GOLGA1: variants seen among roughly 807,000 people sequenced by gnomAD.
The protein encoded by GOLGA1 is golgin A1.
Under a neutral mutation model 119.7 loss-of-function variants are expected in GOLGA1, and 63 were observed. The ratio of observed to expected loss-of-function variants is 0.53; its 90% CI spans 0.43 to 0.65. The LOEUF (loss-of-function observed/expected upper bound fraction) is 0.65, where lower values mean the gene tolerates loss of function less well. Among genes scored for constraint, GOLGA1 ranks in the 30% least tolerant of loss-of-function variants. The probability of loss-of-function intolerance (pLI) is 0.00; values close to 1 mark genes in which losing one functional copy is unlikely to be tolerated. For synonymous variants in GOLGA1, 318 were observed against 333.4 expected (o/e 0.95, Z 0.50); for missense variants, 798 against 912.8 (o/e 0.87, Z 1.62).
At chr9:124,895,218 T>C (rs1378714605) in intron 15 of GOLGA1, among the ~76,000 whole-genome samples, 1 of 123,816 alleles carries the variant, frequency 8.1e-6, no homozygotes, top group African/African-American at 3.2e-5. Flanking sequence ...CAGAGAACCA[T>C]CCACAAGAGA....
Position 124,881,845 on chromosome 9 carries a change from T to C in GOLGA1, c.2075A>G (p.Glu692Gly), listed in dbSNP as rs1226863426. The C allele has an allele frequency of 6.2e-7, 1 of 1,613,248 alleles. No individual in the cohort carries two copies. Among genetic ancestry groups the C allele is most frequent in the Admixed American group, 1.7e-5 (1 of 59,864 alleles). Residue 692 changes from glutamate to glycine, a missense_variant, in exon 21 of 23, where the codon GAG becomes GGG. Coordinates refer to ENST00000373555, the MANE Select transcript of GOLGA1 (RefSeq NM_002077.4). This position sits in a 1 kb window ranked among gnomAD's most constrained non-coding sequence, Gnocchi z 4.9. The part of the protein sequence containing the change: ...TNNTDLTDAR[E>G]INFEYLKHVV... ...ATGTTTAAGGTACTCAAAGTTGATC[T>C]CGCGGGCATCTGTCAGGTCAGTGTT...
chr9:124,914,216 G>C (rs1057414495), intron 10 of GOLGA1, among the ~76,000 whole-genome samples: 2 of 152,220 alleles, frequency 1.3e-5, no homozygotes, highest in African/African-American at 4.8e-5. Flanking sequence ...AATAACTGTA[G>C]GCTGGGCGTG....
intron 10 of GOLGA1, among the ~76,000 whole-genome samples, chr9:124,918,916 G>A (rs1311686638): frequency 1.3e-5 from 2 of 151,928 alleles, no homozygotes; most frequent in East Asian, 3.9e-4. Flanking sequence ...TTGACTCCTG[G>A]GCTGGAATGT....
At chr9:124,914,948 A>G (rs1238068746) in intron 10 of GOLGA1, among the ~76,000 whole-genome samples, 4 of 152,232 alleles carry the variant, frequency 2.6e-5, no homozygotes, top group Non-Finnish European at 5.9e-5. Context: ...CTCTTGTGCA[A>G]CATATTGATA....
At chr9:124,918,452 G>C (rs1830494981) in intron 10 of GOLGA1, among the ~76,000 whole-genome samples, 1 of 152,176 alleles carries the variant, frequency 6.6e-6, no homozygotes, top group African/African-American at 2.4e-5. Flanking sequence ...AACAACAGAT[G>C]GTTCTAATTG....
In GOLGA1 at chr9:124,880,366, G is replaced by A. The variant is rs1332561053; in HGVS notation, c.*164C>T. 1.9e-6 allele frequency: 1 copy of A among 539,370 alleles called. No individual in the cohort carries two copies. Among genetic ancestry groups the A allele is most frequent in the Admixed American group, 2.8e-5 (1 of 36,300 alleles). The allele number at this position is 539,370 out of a possible 1,614,324, so 33.4% of individuals were successfully genotyped here. On this transcript the variant is annotated 3_prime_UTR_variant, in exon 23 of 23. Coordinates refer to ENST00000373555, the MANE Select transcript of GOLGA1 (RefSeq NM_002077.4). ...AGGATCAGCTACCCCCTGAGGTTCA[G>A]GTCAGCCTGCAGGGAAGTGGGCCTT...
chr9:124,898,585 A>C lies in GOLGA1; in HGVS notation c.1371T>G (p.Ser457=), dbSNP rs1350400140. 1.9e-6 allele frequency: 3 copies of C among 1,609,428 alleles called. No homozygotes were observed. In the East Asian group the frequency reaches 6.7e-5, roughly 36 times the overall value. Residue 457 remains serine, a synonymous_variant, in exon 15 of 23, where the codon TCT becomes TCG. Coordinates refer to ENST00000373555, the MANE Select transcript of GOLGA1 (RefSeq NM_002077.4). ...LKECRNEYER[S]LQNHQFELKK... ...TTAGTTCAAATTGGTGATTTTGTAA[A>C]GAACGTTCATATTCATTCCTGCATT...
At chr9:124,906,116 A>AAAATAAATAAATAAATAAATAAAT (rs60890510) in intron 12 of GOLGA1, among the ~76,000 whole-genome samples, 9 of 145,152 alleles carry the variant, frequency 6.2e-5, no homozygotes, top group Non-Finnish European at 9.0e-5. Context: ...GTGTCTCCAA[A>AAAATAAATAAATAAATAAATAAAT]AAATAAATAA....
chr9:124,919,066 T>C (rs555689341), intron 10 of GOLGA1, among the ~76,000 whole-genome samples: 37 of 151,898 alleles, frequency 2.4e-4, no homozygotes, highest in African/African-American at 7.7e-4. Context: ...CTGGGCAACA[T>C]AGCGAAACCC....
chr9:124,939,458 A>G (rs1403910059), intron 2 of GOLGA1, among the ~76,000 whole-genome samples: 1 of 151,566 alleles, frequency 6.6e-6, no homozygotes, highest in Non-Finnish European at 1.5e-5. Flanking sequence ...ACTCTATTAT[A>G]TAAGTATCTG....
rs117331978 is a variant in GOLGA1 at position 124,926,415 on chromosome 9, G to A, written c.432+294C>T. Among the ~76,000 whole-genome samples the A allele has an allele frequency of 1.6e-3, 249 of 152,256 alleles. 2 individuals carry two copies. The highest frequency in any genetic ancestry group is 0.014 in the East Asian group (73 of 5,190). On this transcript the variant is annotated intron_variant, in intron 7 of 22. Coordinates refer to ENST00000373555, the MANE Select transcript of GOLGA1 (RefSeq NM_002077.4). ...GGTTCCCCACTGGCTGAACCCAACC[G>A]GATGCCAGAGGGCATTCTGAGCCCT...
chr9:124,945,156 T>C (rs1251289815), upstream of GOLGA1: 1 of 150,330 alleles, frequency 6.7e-6, no homozygotes, highest in Non-Finnish European at 1.5e-5. Context: ...ATAAGTGAGT[T>C]TGTAGTTTTA....
intron 18 of GOLGA1, 33 bp downstream of exon 18, chr9:124,889,110 T>C: frequency 6.4e-7 from 1 of 1,562,970 alleles, no homozygotes; most frequent in Non-Finnish European, 8.7e-7. Context: ...TGCATCTTGC[T>C]GTAGCACCCA....
At chr9:124,901,145 G>A (rs914915811) in intron 12 of GOLGA1, among the ~76,000 whole-genome samples, 1 of 150,276 alleles carries the variant, frequency 6.7e-6, no homozygotes, top group African/African-American at 2.5e-5. Context: ...CTAATTTTTT[G>A]TATTTTTAGT....
chr9:124,909,791 T>C (rs2131446154), intron 11 of GOLGA1, among the ~76,000 whole-genome samples: 1 of 152,168 alleles, frequency 6.6e-6, no homozygotes, highest in African/African-American at 2.4e-5. Flanking sequence ...TGAGATGGAA[T>C]TTCACTCTTG....
At chr9:124,890,343 T>C (rs543719133) in intron 16 of GOLGA1, 46 bp downstream of exon 16, 65 of 1,283,584 alleles carry the variant, frequency 5.1e-5, no homozygotes, top group Non-Finnish European at 7.1e-5. Context: ...CTGCTGCCTG[T>C]GGGACTGCAG....
intron 7 of GOLGA1, 114 bp downstream of exon 7, chr9:124,926,595 G>C (rs80044339): frequency 2.6e-6 from 2 of 779,930 alleles, no homozygotes; most frequent in Non-Finnish European, 4.7e-6. Flanking sequence ...ATCATAAACT[G>C]TCCTGCTTCC....
At chr9:124,883,837 T>C (rs1312842635) in intron 19 of GOLGA1, among the ~76,000 whole-genome samples, 2 of 146,630 alleles carry the variant, frequency 1.4e-5, no homozygotes, top group African/African-American at 2.5e-5. Context: ...ATTCTCCCAC[T>C]TCAACCTCCC....
chr9:124,922,829 C>T (rs897318689), intron 8 of GOLGA1, among the ~76,000 whole-genome samples: 1 of 151,046 alleles, frequency 6.6e-6, no homozygotes, highest in Non-Finnish European at 1.5e-5. Flanking sequence ...TTTTTGTGGG[C>T]TTATAAGAGA....
Sources: allele counts gnomAD v4.1 joint callset (sites outside exome capture counted in the v4.1 genomes callset), GRCh38; gene constraint gnomAD v4.1.1; non-coding constraint Gnocchi (gnomAD v3.1); transcripts MANE v1.5; gene names NCBI Gene and HGNC (gene_info 2026-07-23, HGNC 2026-07-21).